The following SERHL2 variants were observed in gnomAD, a reference collection of about 807,000 sequenced individuals.
SERHL2 encodes serine hydrolase like 2.
SERHL2 carries 29 observed loss-of-function variants against 25.5 expected under a neutral mutation model. The ratio of observed to expected loss-of-function variants is 1.14; its 90% CI spans 0.85 to 1.55. The LOEUF (loss-of-function observed/expected upper bound fraction) is 1.55. SERHL2 is among the 40% of genes most tolerant of loss of function. SERHL2 has a pLI of 0.00. For missense variants in SERHL2, 240 were observed against 252.3 expected (o/e 0.95, Z 0.33); for synonymous variants, 95 against 103.5 (o/e 0.92, Z 0.50).
At chr22:42,566,386 G>T (rs376618622) in intron 9 of SERHL2, 48 bp downstream of exon 9, 3 of 1,596,894 alleles carry the variant, frequency 1.9e-6, no homozygotes, top group African/African-American at 2.7e-5. Context: ...GCCTGTTAGC[G>T]TCTTTGTCGT....
chr22:42,568,350 T>C (rs1438902597), intron 9 of SERHL2, among the ~76,000 whole-genome samples: 2 of 117,184 alleles, frequency 1.7e-5, no homozygotes, highest in Non-Finnish European at 1.8e-5. Context: ...AGATGAACAA[T>C]ACCAGCTGTT....
At chr22:42,565,182 G>T (rs1036278661) in intron 8 of SERHL2, 5 of 150,652 alleles carry the variant, frequency 3.3e-5, no homozygotes, top group African/African-American at 1.2e-4. Context: ...GGGGATGGTC[G>T]TCCTCTTCGA....
chr22:42,572,315 G>A (rs1467921753), intron 10 of SERHL2, 121 bp from the exon 11 acceptor site: 2 of 662,582 alleles, frequency 3.0e-6, no homozygotes, highest in Admixed American at 5.2e-5. Context: ...CCAGCTGTGG[G>A]AGTTGGGGTA....
chr22:42,554,436 C>T (rs1381437376), intron 1 of SERHL2, among the ~76,000 whole-genome samples: 2 of 152,198 alleles, frequency 1.3e-5, no homozygotes, highest in South Asian at 2.1e-4. Flanking sequence ...CTGCAGCTCC[C>T]AGTGCCTCAG....
intron 3 of SERHL2, 34 bp from the exon 4 acceptor site, chr22:42,555,630 C>G (rs1242501956): frequency 9.1e-5 from 9 of 99,362 alleles, no homozygotes; most frequent in South Asian, 6.9e-4. Context: ...TGAGCCTGTG[C>G]CCAGCCGGAC....
At chr22:42,568,821 C>G (rs565685747) in intron 9 of SERHL2, among the ~76,000 whole-genome samples, 1 of 151,832 alleles carries the variant, frequency 6.6e-6, no homozygotes, top group Non-Finnish European at 1.5e-5. Context: ...CAAAAATTAG[C>G]CGGGTGTGGT....
At chr22:42,572,133 C>G (rs1448910994) in intron 10 of SERHL2, among the ~76,000 whole-genome samples, 4 of 152,082 alleles carry the variant, frequency 2.6e-5, no homozygotes, top group Non-Finnish European at 4.4e-5. Context: ...AGTATGGGCT[C>G]CAGCGCCTGT....
intron 10 of SERHL2, among the ~76,000 whole-genome samples, chr22:42,572,155 C>G (rs2146763568): frequency 6.6e-6 from 1 of 152,214 alleles, no homozygotes. Flanking sequence ...CAGATCCCAG[C>G]TCTGCTTTTC....
chr22:42,572,679 T>C (rs933021185), intron 11 of SERHL2, 150 bp downstream of exon 11: 2 of 1,415,836 alleles, frequency 1.4e-6, no homozygotes, highest in African/African-American at 2.9e-5. Flanking sequence ...CATGCTCCAC[T>C]GTGGTCAGTC....
In SERHL2 at chr22:42,568,375, A is replaced by G. The variant is rs145434113; in HGVS notation, c.648+2037A>G. On this transcript the variant is annotated intron_variant, in intron 9 of 11. Coordinates refer to ENST00000327678, the MANE Select transcript of SERHL2 (RefSeq NM_014509.5). ...TACCAGCTGTTGGGTGGTCCTCCCT[A>G]CCCACTAAGGCTCACTCACTGGTGG... 2.7e-4 allele frequency among the ~76,000 whole-genome samples: 41 copies of G among 149,124 alleles called. 1 individual carries two copies. Among genetic ancestry groups the G allele is most frequent in the African/African-American group, 1.0e-3 (41 of 39,998 alleles).
At chr22:42,566,207 G>A (rs1923355172) in intron 8 of SERHL2, 97 bp from the exon 9 acceptor site, 12 of 1,239,918 alleles carry the variant, frequency 9.7e-6, no homozygotes, top group Admixed American at 1.8e-5. Flanking sequence ...AATGGGCCCT[G>A]GCTGCAAAGG....
rs563741312 is a variant in SERHL2, at chr22:42,570,422, T to A, written c.649-699T>A. Among the ~76,000 whole-genome samples the A allele has an allele frequency of 3.3e-5, 5 of 152,066 alleles. No homozygotes were observed. In the East Asian group the frequency reaches 9.6e-4, roughly 29 times the overall value. ...ACCAAGAGCAAAACTCGGTCTCAAATAAATAAGGCTCTAACAATTGTTCTC... is the reference window on the plus strand; with the variant it reads ...ACCAAGAGCAAAACTCGGTCTCAAAAAAATAAGGCTCTAACAATTGTTCTC... On this transcript the variant is annotated intron_variant, in intron 9 of 11. Coordinates refer to ENST00000327678, the MANE Select transcript of SERHL2 (RefSeq NM_014509.5).
intron 11 of SERHL2, chr22:42,573,642 C>CTGAT: frequency 2.5e-6 from 1 of 396,812 alleles, no homozygotes; most frequent in Non-Finnish European, 4.6e-6. Flanking sequence ...GGTACCTCTT[C>CTGAT]TGATACAATC....
intron 11 of SERHL2, chr22:42,572,896 CTGACCTCAGG>C (rs1924434829): frequency 4.5e-6 from 1 of 222,844 alleles, no homozygotes; most frequent in Non-Finnish European, 7.5e-6. Context: ...TCTCAAACTC[CTGACCTCAGG>C]TGATCCGCCC....
At position 42,574,235 on chromosome 22, in the gene SERHL2, G is replaced by A. The variant is rs1340331788; in HGVS notation, c.*180G>A. On this transcript the variant is annotated 3_prime_UTR_variant, in exon 12 of 12. Coordinates refer to ENST00000327678, the MANE Select transcript of SERHL2 (RefSeq NM_014509.5). Reference sequence around the variant, plus strand: ...CCAACTTCAACATCTGTGACCTCAAGGGGGAGACAGAGTCTGGGTTCCAGG... The same window carrying A: ...CCAACTTCAACATCTGTGACCTCAAAGGGGAGACAGAGTCTGGGTTCCAGG... The A allele has an allele frequency of 3.2e-6, 2 of 617,050 alleles. No homozygotes were observed. The highest frequency in any genetic ancestry group is 3.0e-5 in the Admixed American group (1 of 33,466). The allele number at this position is 617,050 out of a possible 1,614,324, so 38.2% of individuals were successfully genotyped here. A position where few individuals can be genotyped will look rare whatever the true frequency, so the allele number is the denominator to read the frequency against.
chr22:42,571,251 C>T lies in SERHL2; in HGVS notation c.731+48C>T, dbSNP rs202088195. Reference sequence around the variant, plus strand: ...CAGCCACCCGCCAAGGAGACATGGGCGCCAGGAATCTCCGGGAGGGGGCCC... The same window carrying T: ...CAGCCACCCGCCAAGGAGACATGGGTGCCAGGAATCTCCGGGAGGGGGCCC... On this transcript the variant is annotated intron_variant, in intron 10 of 11. Transcript: ENST00000327678. 4.7e-4 allele frequency: 756 copies of T among 1,607,714 alleles called. 11 individuals are homozygous for T. The highest frequency in any genetic ancestry group is 2.5e-3 in the South Asian group (228 of 90,572).
At position 42,560,372 on chromosome 22, in the gene SERHL2, G is replaced by C. The variant is rs1168379060; in HGVS notation, c.613+107G>C. On this transcript the variant is annotated intron_variant, in intron 8 of 11. Coordinates refer to ENST00000327678, the MANE Select transcript of SERHL2 (RefSeq NM_014509.5). ...CAGGATACTAAGCGCTTTGCAAACA[G>C]CATCTCACTGAATCCCCCTCCTGCC... 6 of 779,764 alleles carry C rather than the reference G, an allele frequency of 7.7e-6. No homozygotes were observed. In the African/African-American group the frequency reaches 1.0e-4, roughly 13 times the overall value. 48.3% of individuals were successfully genotyped at this position (779,764 alleles called of 1,614,324 possible). A position where few individuals can be genotyped will look rare whatever the true frequency, so the allele number is the denominator to read the frequency against.
chr22:42,569,439 T>C (rs559474695), intron 9 of SERHL2: 17 of 151,976 alleles, frequency 1.1e-4, no homozygotes, highest in African/African-American at 4.1e-4. Context: ...GTTGTAATTT[T>C]AGTAGAGATG....
intron 9 of SERHL2, among the ~76,000 whole-genome samples, chr22:42,566,591 A>C (rs1470098777): frequency 1.3e-5 from 2 of 151,898 alleles, no homozygotes; most frequent in Non-Finnish European, 2.9e-5. Flanking sequence ...TATAGCTAAC[A>C]TAATACTTAA....
Sources: allele counts gnomAD v4.1 joint callset (sites outside exome capture counted in the v4.1 genomes callset), GRCh38; gene constraint gnomAD v4.1.1; transcripts MANE v1.5; gene names NCBI Gene and HGNC (gene_info 2026-07-23, HGNC 2026-07-21).